The following HSD11B1 variants were observed in gnomAD, a reference collection of about 807,000 sequenced individuals.
HSD11B1 encodes hydroxysteroid 11-beta dehydrogenase 1, also known as 11-beta-hydroxysteroid dehydrogenase 1.
A neutral mutation model predicts 22.1 loss-of-function variants in HSD11B1; 15 were observed. The ratio of observed to expected loss-of-function variants is 0.68; its 90% CI spans 0.45 to 1.04. The LOEUF (loss-of-function observed/expected upper bound fraction) is 1.04. Ranked by LOEUF, HSD11B1 falls within the 50% of genes least tolerant of loss-of-function variation. The probability of loss-of-function intolerance (pLI) is 0.00; values close to 1 mark genes in which losing one functional copy is unlikely to be tolerated. For missense variants in HSD11B1, 281 were observed against 357.6 expected, an observed-to-expected ratio of 0.79 and a Z score of 1.73; for synonymous variants, 122 against 125.2, an observed-to-expected ratio of 0.97 and a Z score of 0.17.
chr1:209,710,140 TA>T lies in HSD11B1; in HGVS notation c.517+3020del, dbSNP rs112104730. ...AGAAATATTAATACTTGAATATGAC[TA>T]AAAAAAATCACTGGAGTGGGCAGAG... On this transcript the variant is annotated intron_variant, in intron 4 of 5. Coordinates refer to ENST00000367027, the MANE Select transcript of HSD11B1 (RefSeq NM_005525.4). Among the ~76,000 whole-genome samples, 7 of 152,168 alleles carry T rather than the reference TA, an allele frequency of 4.6e-5. No homozygotes were observed. The East Asian group carries it at 1.2e-3, about 25-fold the overall frequency.
At chr1:209,715,421 AAAC>A (rs1043812351) in intron 4 of HSD11B1, among the ~76,000 whole-genome samples, 6 of 152,232 alleles carry the variant, frequency 3.9e-5, no homozygotes, top group African/African-American at 7.2e-5. Flanking sequence ...CTAAAAAAAA[AAAC>A]AACAACAACA....
upstream of HSD11B1, among the ~76,000 whole-genome samples, chr1:209,700,931 T>C (rs577336241): frequency 7.9e-5 from 12 of 152,358 alleles, no homozygotes; most frequent in Middle Eastern, 6.8e-3. Flanking sequence ...TCCTCATCTC[T>C]ATCTGAGATT....
intron 4 of HSD11B1, among the ~76,000 whole-genome samples, chr1:209,712,104 GA>G (rs1473722300): frequency 9.9e-5 from 15 of 152,168 alleles, no homozygotes; most frequent in African/African-American, 3.4e-4. Flanking sequence ...AGGAGTTTGA[GA>G]AGGCTTACAA....
chr1:209,723,086 C>G (rs1378058775), intron 4 of HSD11B1, among the ~76,000 whole-genome samples: 3 of 152,158 alleles, frequency 2.0e-5, no homozygotes, highest in Admixed American at 6.5e-5. Flanking sequence ...TTCTGTCCCA[C>G]CTATCATCAT....
intron 4 of HSD11B1, among the ~76,000 whole-genome samples, chr1:209,723,764 A>G (rs1435701075): frequency 6.6e-6 from 1 of 152,198 alleles, no homozygotes; most frequent in Non-Finnish European, 1.5e-5. Flanking sequence ...AAAAGGGACA[A>G]TGCAGGGAAG....
chr1:209,692,617 G>GGGGGT, intron 1 of HSD11B1, among the ~76,000 whole-genome samples: 1 of 106,000 alleles, frequency 9.4e-6, no homozygotes, highest in Admixed American at 9.6e-5. Flanking sequence ...CGGGGGGGGG[G>GGGGGT]GTGGGGGCTC....
intron 4 of HSD11B1, among the ~76,000 whole-genome samples, chr1:209,726,098 C>A (rs372669376): frequency 2.6e-5 from 4 of 151,880 alleles, no homozygotes; most frequent in Non-Finnish European, 5.9e-5. Context: ...CTGGCCAACA[C>A]AGTAAAGCCC....
chr1:209,699,562 C>T (rs915626203), intron 1 of HSD11B1, among the ~76,000 whole-genome samples: 1 of 152,136 alleles, frequency 6.6e-6, no homozygotes, highest in Admixed American at 6.5e-5. Context: ...ACAATTCAAG[C>T]TGAGATTTGG....
chr1:209,694,335 T>C (rs1193974938), intron 1 of HSD11B1, among the ~76,000 whole-genome samples: 1 of 151,880 alleles, frequency 6.6e-6, no homozygotes, highest in Non-Finnish European at 1.5e-5. Context: ...GCAAGCAAGG[T>C]GGAAATGGTC....
At chr1:209,705,674 C>T (rs980512827) in intron 1 of HSD11B1, 137 bp from the exon 2 acceptor site, 16 of 1,049,982 alleles carry the variant, frequency 1.5e-5, no homozygotes, top group African/African-American at 7.8e-5. Flanking sequence ...CAGTGATTTA[C>T]GGAGTTTGTG....
intron 4 of HSD11B1, among the ~76,000 whole-genome samples, chr1:209,728,641 C>A (rs547416332): frequency 6.6e-6 from 1 of 152,294 alleles, no homozygotes; most frequent in East Asian, 1.9e-4. Context: ...GTTGACTTGG[C>A]TGAAGCTCAG....
rs1553286745 is a variant in HSD11B1, at chr1:209,692,616, G to GGGGGT, written c.-49+6333_-49+6334insGGTGG. ...TCGGGTATTAAAATGGCGGGGGGGG[G>GGGGGT]GGTGGGGGCTCGGTTCTTGCTAAAT... On this transcript the variant is annotated intron_variant, in intron 1 of 6. Coordinates refer to the HSD11B1 transcript ENST00000261465. Among the ~76,000 whole-genome samples, 8 of 110,530 alleles carry GGGGGT rather than the reference G, an allele frequency of 7.2e-5. 1 individual carries two copies. The highest frequency in any genetic ancestry group is 3.6e-4 in the South Asian group (1 of 2,750). The allele number at this position is 110,530 out of a possible 152,430, so 72.5% of individuals were successfully genotyped here. A position where few individuals can be genotyped will look rare whatever the true frequency, so the allele number is the denominator to read the frequency against.
At chr1:209,693,972 G>A (rs1051141989) in intron 1 of HSD11B1, among the ~76,000 whole-genome samples, 1 of 152,006 alleles carries the variant, frequency 6.6e-6, no homozygotes, top group South Asian at 2.1e-4. Flanking sequence ...ATCTCACTGA[G>A]ACCTGTTCCC....
intron 4 of HSD11B1, among the ~76,000 whole-genome samples, chr1:209,720,691 T>C (rs1192360345): frequency 6.6e-6 from 1 of 151,834 alleles, no homozygotes; most frequent in Admixed American, 6.6e-5. Flanking sequence ...GACAACTAAA[T>C]GCCAACTCAT....
intron 4 of HSD11B1, among the ~76,000 whole-genome samples, chr1:209,720,681 G>A (rs1454385849): frequency 6.6e-6 from 1 of 151,856 alleles, no homozygotes; most frequent in Non-Finnish European, 1.5e-5. Context: ...GAAGAGTCAT[G>A]ACAACTAAAT....
intron 4 of HSD11B1, among the ~76,000 whole-genome samples, chr1:209,723,633 C>T (rs956819888): frequency 6.6e-6 from 1 of 152,168 alleles, no homozygotes. Context: ...TAACTTTTAC[C>T]AAAGCTTCTC....
At chr1:209,730,856 A>G (rs1558200537) in intron 4 of HSD11B1, among the ~76,000 whole-genome samples, 1 of 152,212 alleles carries the variant, frequency 6.6e-6, no homozygotes, top group African/African-American at 2.4e-5. Flanking sequence ...CCAGATTACA[A>G]CTATAAGCTT....
chr1:209,707,123 T>C lies in HSD11B1; in HGVS notation c.512T>C (p.Leu171Pro), dbSNP rs746481995. 1 of 1,613,586 alleles carries C rather than the reference T, an allele frequency of 6.2e-7. No homozygotes were observed. Among genetic ancestry groups the C allele is most frequent in the Admixed American group, 1.7e-5 (1 of 59,992 alleles). ...SNGSIVVVSS[L>P]AGKVAYPMVA... ...GGAAGCATTGTTGTCGTCTCCTCTCTGGCTGGTAAGTGGGACAGGGACATA... is the reference window on the plus strand; with the variant it reads ...GGAAGCATTGTTGTCGTCTCCTCTCCGGCTGGTAAGTGGGACAGGGACATA... Residue 171 changes from leucine to proline, a missense_variant, in exon 4 of 6, where the codon CTG becomes CCG. Physicochemically the swap from Leu to Pro is moderately conservative, Grantham distance 98. Coordinates refer to ENST00000367027, the MANE Select transcript of HSD11B1 (RefSeq NM_005525.4).
At chr1:209,729,468 C>T (rs2077022788) in intron 4 of HSD11B1, among the ~76,000 whole-genome samples, 1 of 152,040 alleles carries the variant, frequency 6.6e-6, no homozygotes, top group African/African-American at 2.4e-5. Context: ...TCCATGGTCA[C>T]CCAGGTTCCT....
Sources: gnomAD v4.1 joint callset for allele counts (sites outside exome capture counted in the v4.1 genomes callset) on GRCh38, gnomAD v4.1.1 for gene constraint, MANE v1.5 for transcripts, NCBI Gene and HGNC (gene_info 2026-07-23, HGNC 2026-07-21) for gene names.